Variants in OSBPL10 observed in about 807,000 individuals in gnomAD.
The protein encoded by OSBPL10 is oxysterol-binding protein-related protein 10.
A neutral mutation model predicts 81.7 loss-of-function variants in OSBPL10; 49 were observed. The ratio of observed to expected loss-of-function variants is 0.60; its 90% confidence interval spans 0.48 to 0.76. OSBPL10 has a LOEUF of 0.76. OSBPL10 is among the 30% of genes least tolerant of loss of function. The pLI, the probability that OSBPL10 is intolerant of heterozygous loss-of-function variation, is 0.00. For missense variants in OSBPL10, 923 were observed against 987.8 expected (o/e 0.93, Z 0.88); for synonymous variants, 419 against 383.6 (o/e 1.09, Z -1.08).
At chr3:31,679,753 T>G (rs180811752) in intron 8 of OSBPL10, among the ~76,000 whole-genome samples, 28 of 152,274 alleles carry the variant, frequency 1.8e-4, no homozygotes, top group Admixed American at 1.4e-3. Flanking sequence ...AGGAAAAGAT[T>G]TTTTACCAAT....
intron 4 of OSBPL10, among the ~76,000 whole-genome samples, chr3:31,799,832 C>T (rs762320317): frequency 2.6e-5 from 4 of 152,178 alleles, no homozygotes; most frequent in Non-Finnish European, 5.9e-5. Context: ...CTGCCTCAGC[C>T]TCCTGAGCTG....
intron 8 of OSBPL10, among the ~76,000 whole-genome samples, chr3:31,683,102 A>G (rs1195863172): frequency 6.6e-6 from 1 of 152,252 alleles, no homozygotes; most frequent in African/African-American, 2.4e-5. Flanking sequence ...CTTCATTCAC[A>G]GCTATTTGCT....
intron 2 of OSBPL10, among the ~76,000 whole-genome samples, chr3:32,011,280 C>A (rs1699253859): frequency 6.6e-6 from 1 of 152,214 alleles, no homozygotes; most frequent in Admixed American, 6.5e-5. Flanking sequence ...ATTTGCTGTT[C>A]AGCAATATTC....
intron 1 of OSBPL10, 71 bp downstream of exon 1, chr3:31,980,824 CACAT>C (rs1698814706): frequency 1.4e-5 from 20 of 1,423,440 alleles, no homozygotes; most frequent in African/African-American, 1.0e-4. Context: ...TACACAGACA[CACAT>C]ACACACACGC....
At chr3:31,987,881 A>G (rs1006838128) in intron 2 of OSBPL10, among the ~76,000 whole-genome samples, 2 of 152,262 alleles carry the variant, frequency 1.3e-5, no homozygotes, top group Admixed American at 1.3e-4. Flanking sequence ...ATGTAAAACC[A>G]TTAGATTTTC....
intron 7 of OSBPL10, among the ~76,000 whole-genome samples, chr3:31,694,791 G>A (rs912722641): frequency 6.6e-6 from 1 of 152,070 alleles, no homozygotes; most frequent in Non-Finnish European, 1.5e-5. Context: ...TTTCACTCTT[G>A]TTGCCCAGAC....
In OSBPL10 at chr3:31,966,801, C is replaced by T. The variant is rs187804294; in HGVS notation, c.281+14098G>A. ...GGGCAAAAGACTTAGCTAAAGCTAA[C>T]CTTACTAAACACGATATCTGGATGG... On this transcript the variant is annotated intron_variant, in intron 1 of 11. Transcript: ENST00000396556. Among the ~76,000 whole-genome samples the T allele has an allele frequency of 2.8e-4, 43 of 152,276 alleles. No homozygotes were observed. The East Asian group carries it at 7.9e-3, about 28-fold the overall frequency.
intron 4 of OSBPL10, among the ~76,000 whole-genome samples, chr3:31,756,903 T>C (rs561688429): frequency 2.0e-5 from 3 of 152,306 alleles, no homozygotes; most frequent in South Asian, 2.1e-4. Context: ...GAAGAACCAA[T>C]GGAAAAGTGT....
At chr3:31,710,553 G>A (rs1470979218) in intron 6 of OSBPL10, 3 of 152,222 alleles carry the variant, frequency 2.0e-5, no homozygotes, top group Non-Finnish European at 4.4e-5. Context: ...CACTAGGAAA[G>A]GATTCAGAGA....
intron 5 of OSBPL10, among the ~76,000 whole-genome samples, chr3:31,735,278 G>A (rs758698601): frequency 3.9e-5 from 6 of 152,058 alleles, no homozygotes; most frequent in Non-Finnish European, 7.4e-5. Context: ...TGTCTCTACA[G>A]AAAATACAAA....
chr3:31,958,778 C>G (rs1358592932), intron 1 of OSBPL10, among the ~76,000 whole-genome samples: 1 of 152,174 alleles, frequency 6.6e-6, no homozygotes, highest in Non-Finnish European at 1.5e-5. Context: ...ATCCAGCCCA[C>G]CACTTATTTT....
Position 31,735,994 on chromosome 3 carries a change from A to T in OSBPL10, c.941-2583T>A, listed in dbSNP as rs190748505. Among the ~76,000 whole-genome samples the T allele has an allele frequency of 2.0e-3, 297 of 152,282 alleles. 3 individuals carry two copies. Among genetic ancestry groups the T allele is most frequent in the Non-Finnish European group, 3.5e-3 (237 of 68,028 alleles). On this transcript the variant is annotated intron_variant, in intron 5 of 11. Transcript: ENST00000396556. ...GTGTACGCTCAGTATGAATGTGCTGAAGAAATCGGAGACAGAAAACTTTAA... is the reference window on the plus strand; with the variant it reads ...GTGTACGCTCAGTATGAATGTGCTGTAGAAATCGGAGACAGAAAACTTTAA...
At chr3:31,890,969 G>C (rs1283394092) in intron 1 of OSBPL10, among the ~76,000 whole-genome samples, 1 of 152,124 alleles carries the variant, frequency 6.6e-6, no homozygotes, top group East Asian at 1.9e-4. Flanking sequence ...TGGGGTAAAA[G>C]TGGGTGAGCA....
rs556169403 is a variant in OSBPL10, at chr3:31,935,423, G to A, written c.281+45476C>T. Among the ~76,000 whole-genome samples, 115 of 151,666 alleles carry A rather than the reference G, an allele frequency of 7.6e-4. 1 individual carries two copies. The highest frequency in any genetic ancestry group is 6.6e-4 in the Non-Finnish European group (45 of 67,976). On this transcript the variant is annotated intron_variant, in intron 1 of 11. Transcript: ENST00000396556. Reference sequence around the variant, plus strand: ...TAAAATTCTTTATTTCCTTTGAACAGCCTGTTGAAACAGCATTTGGTGCAA... The same window carrying A: ...TAAAATTCTTTATTTCCTTTGAACAACCTGTTGAAACAGCATTTGGTGCAA...
chr3:31,822,133 C>T (rs913226230), intron 4 of OSBPL10: 4 of 152,226 alleles, frequency 2.6e-5, no homozygotes, highest in Non-Finnish European at 5.9e-5. Context: ...ACATATCAGA[C>T]TCTGTAAAAG....
At chr3:31,933,729 C>T (rs1002808220) in intron 1 of OSBPL10, among the ~76,000 whole-genome samples, 1 of 152,050 alleles carries the variant, frequency 6.6e-6, no homozygotes, top group Non-Finnish European at 1.5e-5. Flanking sequence ...CTTTTATCAG[C>T]TAATTGAGAA....
rs1217770421 is a variant in OSBPL10 at position 32,064,933 on chromosome 3, T to C, written n.185+12463A>G. On this transcript the variant is annotated intron_variant and non_coding_transcript_variant, in intron 1 of 3. Transcript: ENST00000479173. ...CTTTTTCTTCTTCTTAGGTAAAACA[T>C]GACTATTTGCAGATTTCTGAAAATC... 4.3e-5 allele frequency: 4 copies of C among 93,784 alleles called. 1 individual carries two copies. Among genetic ancestry groups the C allele is most frequent in the African/African-American group, 1.1e-4 (4 of 36,456 alleles). The allele number at this position is 93,784 out of a possible 1,614,324, so 5.8% of individuals were successfully genotyped here.
Position 31,936,935 on chromosome 3 carries a change from G to GA in OSBPL10, c.281+43963dup, listed in dbSNP as rs200895159. On this transcript the variant is annotated intron_variant, in intron 1 of 11. Transcript: ENST00000396556. ...TATCTTTCTGCTTTCTAGATACCAG[G>GA]AAAAAAAAAGAAGCAGTTGAGATTA... Among the ~76,000 whole-genome samples the GA allele has an allele frequency of 3.0e-4, 45 of 150,914 alleles. 2 individuals are homozygous for GA. In the East Asian group the frequency reaches 7.6e-3, roughly 25 times the overall value.
At chr3:31,772,173 G>A (rs1008126363) in intron 4 of OSBPL10, among the ~76,000 whole-genome samples, 11 of 152,134 alleles carry the variant, frequency 7.2e-5, no homozygotes, top group East Asian at 1.9e-4. Flanking sequence ...AGGTTACCCC[G>A]AACCTCTGGT....
Sources: allele counts gnomAD v4.1 joint callset (sites outside exome capture counted in the v4.1 genomes callset), GRCh38; gene constraint gnomAD v4.1.1; transcripts MANE v1.5; gene names NCBI Gene and HGNC (gene_info 2026-07-23, HGNC 2026-07-21).